The following FIG4 variants were observed in gnomAD, a reference collection of about 807,000 sequenced individuals.
FIG4 encodes the protein polyphosphoinositide phosphatase.
In FIG4, 112 loss-of-function variants were observed where a neutral mutation model predicts 118.6. The observed-to-expected ratio is 0.94, with a 90% CI of 0.81 to 1.11. The LOEUF (loss-of-function observed/expected upper bound fraction) is 1.11, where lower values mean the gene tolerates loss of function less well. FIG4 is among the 50% of genes least tolerant of loss of function. The probability of loss-of-function intolerance (pLI) is 0.00; values close to 1 mark genes in which losing one functional copy is unlikely to be tolerated. For missense variants in FIG4, 969 were observed against 1,111.7 expected (o/e 0.87, Z 1.83); for synonymous variants, 369 against 381.2 (o/e 0.97, Z 0.37).
intron 1 of FIG4, among the ~76,000 whole-genome samples, chr6:109,709,189 A>G (rs896380450): frequency 2.0e-5 from 3 of 152,106 alleles, no homozygotes; most frequent in Non-Finnish European, 4.4e-5. Flanking sequence ...TGGCTAGCCA[A>G]TTCTCCCAGG....
intron 7 of FIG4, among the ~76,000 whole-genome samples, chr6:109,740,429 A>G (rs1776288861): frequency 6.6e-6 from 1 of 152,152 alleles, no homozygotes; most frequent in Non-Finnish European, 1.5e-5. Context: ...ACTACAGGCC[A>G]GGCACTAGTT....
chr6:109,741,643 GT>G, intron 8 of FIG4, 99 bp downstream of exon 8: 1 of 835,962 alleles, frequency 1.2e-6, no homozygotes, highest in South Asian at 1.3e-5. Context: ...GTATTTCTTA[GT>G]TTGGGATATT....
At chr6:109,745,397 G>T (rs1420142353) in intron 10 of FIG4, among the ~76,000 whole-genome samples, 1 of 152,164 alleles carries the variant, frequency 6.6e-6, no homozygotes, top group Non-Finnish European at 1.5e-5. Context: ...GACCAGTGAT[G>T]ATGAGCCTTT....
chr6:109,753,955 A>G (rs1003442406), intron 10 of FIG4, among the ~76,000 whole-genome samples: 54 of 152,036 alleles, frequency 3.6e-4, no homozygotes, highest in Non-Finnish European at 5.7e-4. Context: ...TGATTGCCCT[A>G]GCCAGAACTT....
At chr6:109,730,775 A>G (rs563918480) in intron 4 of FIG4, among the ~76,000 whole-genome samples, 11 of 152,246 alleles carry the variant, frequency 7.2e-5, no homozygotes, top group Non-Finnish European at 1.5e-4. Flanking sequence ...TTCCAGAAGT[A>G]CAAAGATAAT....
chr6:109,733,418 CT>C (rs1776068407), intron 5 of FIG4, among the ~76,000 whole-genome samples: 1 of 151,806 alleles, frequency 6.6e-6, no homozygotes, highest in Non-Finnish European at 1.5e-5. Context: ...ATTCTATCAG[CT>C]ATAATATCCA....
chr6:109,732,575 G>A, intron 4 of FIG4, 62 bp from the exon 5 acceptor site: 1 of 884,744 alleles, frequency 1.1e-6, no homozygotes, highest in South Asian at 1.3e-5. Context: ...ATGGGTACAT[G>A]TTAAACTGTG....
intron 22 of FIG4, among the ~76,000 whole-genome samples, chr6:109,802,408 T>C (rs780568000): frequency 4.6e-5 from 7 of 152,206 alleles, no homozygotes; most frequent in Non-Finnish European, 8.8e-5. Context: ...TGAAAATTAG[T>C]TGTGAAATTA....
chr6:109,738,573 C>T, intron 7 of FIG4, 120 bp downstream of exon 7: 2 of 919,470 alleles, frequency 2.2e-6, no homozygotes, highest in Non-Finnish European at 3.5e-6. Context: ...AACAGGAAAA[C>T]CTGCCCATGA....
intron 16 of FIG4, among the ~76,000 whole-genome samples, chr6:109,777,824 C>T (rs934753325): frequency 6.6e-6 from 1 of 152,168 alleles, no homozygotes; most frequent in African/African-American, 2.4e-5. Context: ...GTGGTGTGAG[C>T]CTCAGGATCA....
intron 3 of FIG4, among the ~76,000 whole-genome samples, chr6:109,717,346 G>T (rs1775465202): frequency 6.6e-6 from 1 of 152,058 alleles, no homozygotes; most frequent in African/African-American, 2.4e-5. Flanking sequence ...TTTTACCTGA[G>T]CTCCACCTTT....
intron 1 of FIG4, among the ~76,000 whole-genome samples, chr6:109,710,350 G>A (rs148613423): frequency 5.1e-4 from 77 of 152,262 alleles, no homozygotes; most frequent in Non-Finnish European, 9.1e-4. Context: ...TGCTGGATTC[G>A]ATTTGCCAGT....
intron 22 of FIG4, among the ~76,000 whole-genome samples, chr6:109,801,552 A>T (rs191904492): frequency 3.3e-5 from 5 of 152,284 alleles, no homozygotes; most frequent in Non-Finnish European, 5.9e-5. Flanking sequence ...CATCTCAAAA[A>T]AATAATAATA....
At chr6:109,762,654 C>T (rs964581167) in intron 12 of FIG4, among the ~76,000 whole-genome samples, 1 of 151,062 alleles carries the variant, frequency 6.6e-6, no homozygotes. Context: ...GAAACCAATA[C>T]TATGTATTTA....
chr6:109,785,133 C>A, intron 17 of FIG4, 105 bp downstream of exon 17: 1 of 751,512 alleles, frequency 1.3e-6, no homozygotes, highest in South Asian at 1.4e-5. Flanking sequence ...TTATTAGAAA[C>A]AAATGAATGG....
chr6:109,736,234 C>G (rs985418088), intron 6 of FIG4, among the ~76,000 whole-genome samples: 4 of 152,092 alleles, frequency 2.6e-5, no homozygotes, highest in African/African-American at 9.7e-5. Flanking sequence ...AAAGTAGTCC[C>G]AGAAGATCTG....
chr6:109,825,205 G>A lies in FIG4; in HGVS notation c.2664G>A (p.Gln888=), dbSNP rs1488830274. The change falls in exon 23 of 23, where the codon CAG becomes CAA. Residue 888 remains glutamine (Q), a synonymous_variant. Coordinates refer to ENST00000230124, the MANE Select transcript of FIG4 (RefSeq NM_014845.6). ...AHIQASQGIM[Q]PLGKEDSSMY... is the part of the protein sequence containing the mutation. ...TCCAGGCCAGCCAAGGTATCATGCA[G>A]CCCCTAGGAAAAGAGGACTCCTCCA... is the stretch of plus-strand genomic sequence containing the variant. 2 of 1,613,944 alleles carry A rather than the reference G, an allele frequency of 1.2e-6. No homozygotes were observed. The highest frequency in any genetic ancestry group is 1.7e-6 in the Non-Finnish European group (2 of 1,179,984).
At chr6:109,767,154 G>C (rs1777304180) in intron 15 of FIG4, among the ~76,000 whole-genome samples, 1 of 151,958 alleles carries the variant, frequency 6.6e-6, no homozygotes, top group Non-Finnish European at 1.5e-5. Flanking sequence ...TTAATTCCTT[G>C]GCTTCTGTCT....
At chr6:109,809,800 CT>C (rs1778670564) in intron 22 of FIG4, among the ~76,000 whole-genome samples, 1 of 152,198 alleles carries the variant, frequency 6.6e-6, no homozygotes. Context: ...AACAGAACCT[CT>C]AACTCAACTG....
Sources: gnomAD v4.1 joint callset for allele counts (sites outside exome capture counted in the v4.1 genomes callset) on GRCh38, gnomAD v4.1.1 for gene constraint, MANE v1.5 for transcripts, NCBI Gene and HGNC (gene_info 2026-07-23, HGNC 2026-07-21) for gene names.